SNTG1: variants seen among roughly 807,000 people sequenced by gnomAD.
SNTG1 encodes gamma-1-syntrophin.
A neutral mutation model predicts 74.7 loss-of-function variants in SNTG1; 39 were observed. The observed-to-expected ratio is 0.52, with a 90% CI of 0.40 to 0.68. The LOEUF (loss-of-function observed/expected upper bound fraction) is 0.68. SNTG1 is among the 30% of genes least tolerant of loss of function. The pLI is 0.00. For synonymous variants in SNTG1, 254 were observed against 217.1 expected (o/e 1.17, Z -1.49); for missense variants, 685 against 609.5 (o/e 1.12, Z -1.30).
chr8:50,065,192 G>T (rs1218115317), intron 1 of SNTG1, among the ~76,000 whole-genome samples: 1 of 152,122 alleles, frequency 6.6e-6, no homozygotes, highest in Non-Finnish European at 1.5e-5. Context: ...ATTTTCAAAT[G>T]AATGAATTGG....
At chr8:49,918,880 G>T (rs1806279242) in intron 1 of SNTG1, among the ~76,000 whole-genome samples, 1 of 152,006 alleles carries the variant, frequency 6.6e-6, no homozygotes, top group Non-Finnish European at 1.5e-5. Context: ...GCTTAAAGTG[G>T]CTTAATCCAA....
At chr8:49,969,466 G>A (rs931818767) in intron 1 of SNTG1, among the ~76,000 whole-genome samples, 4 of 132,976 alleles carry the variant, frequency 3.0e-5, no homozygotes, top group Admixed American at 8.9e-5. Context: ...GTGCAATCTC[G>A]GCTCACTGCA....
chr8:49,966,568 T>C (rs1257996363), intron 1 of SNTG1, among the ~76,000 whole-genome samples: 1 of 151,988 alleles, frequency 6.6e-6, no homozygotes, highest in Non-Finnish European at 1.5e-5. Flanking sequence ...CTAATTTTTG[T>C]ATTTTTAGTA....
At position 50,463,951 on chromosome 8, in the gene SNTG1, C is replaced by A. The variant is rs142509829; in HGVS notation, c.363+13222C>A. 1.8e-3 allele frequency among the ~76,000 whole-genome samples: 271 copies of A among 152,336 alleles called. 1 individual carries two copies. Among genetic ancestry groups the A allele is most frequent in the African/African-American group, 6.3e-3 (260 of 41,580 alleles). ...ATTTCTTAATAACTTCCTGCAACTT[C>A]TCTATCAGCACTTACTGCTTCACCT... On this transcript the variant is annotated intron_variant, in intron 8 of 18. Coordinates refer to ENST00000642720, the MANE Select transcript of SNTG1 (RefSeq NM_018967.5).
intron 1 of SNTG1, among the ~76,000 whole-genome samples, chr8:50,147,101 A>G (rs916687759): frequency 6.6e-6 from 1 of 152,176 alleles, no homozygotes; most frequent in Non-Finnish European, 1.5e-5. Flanking sequence ...TTTGAATGTG[A>G]CAAGGATACA....
intron 2 of SNTG1, among the ~76,000 whole-genome samples, chr8:50,323,584 TTC>T (rs777699939): frequency 1.3e-5 from 2 of 152,078 alleles, no homozygotes; most frequent in Non-Finnish European, 2.9e-5. Context: ...TCCAGAAAAA[TTC>T]TCTCAATTAC....
rs1403117706 is a variant in SNTG1, at chr8:50,259,510, AAGAAAGAAAG to A, written c.-28+86877_-28+86886del. ...AGAGACGCTGTCTCAAAAAAAAAAA[AAGAAAGAAAG>A]AAAGAAAGAAAGAAAGAAAGAAAGA... is the stretch of plus-strand genomic sequence containing the variant. On this transcript the variant is annotated intron_variant, in intron 2 of 18. Transcript: ENST00000642720. Among the ~76,000 whole-genome samples the A allele has an allele frequency of 6.1e-3, 58 of 9,564 alleles. 10 individuals are homozygous for A. Among genetic ancestry groups the A allele is most frequent in the African/African-American group, 7.0e-3 (57 of 8,100 alleles). The allele number at this position is 9,564 out of a possible 152,430, so 6.3% of individuals were successfully genotyped here.
At chr8:50,306,131 A>C (rs933604584) in intron 2 of SNTG1, among the ~76,000 whole-genome samples, 22 of 150,296 alleles carry the variant, frequency 1.5e-4, no homozygotes, top group African/African-American at 5.2e-4. Context: ...CTCACTTATA[A>C]GTAAGAATAT....
chr8:50,203,584 G>T (rs1372242277), intron 2 of SNTG1, among the ~76,000 whole-genome samples: 1 of 151,988 alleles, frequency 6.6e-6, no homozygotes. Context: ...CTTAGTGGTT[G>T]TTCTTTGTGT....
chr8:50,039,183 T>C (rs1205610623), intron 1 of SNTG1, among the ~76,000 whole-genome samples: 1 of 151,896 alleles, frequency 6.6e-6, no homozygotes, highest in East Asian at 1.9e-4. Context: ...AGGCTGGGCG[T>C]GGTGGCTCAT....
chr8:50,649,136 T>G (rs2095128557), intron 13 of SNTG1, among the ~76,000 whole-genome samples: 1 of 152,164 alleles, frequency 6.6e-6, no homozygotes, highest in Non-Finnish European at 1.5e-5. Flanking sequence ...GCACAGTTTA[T>G]TGATATTTTC....
chr8:49,932,688 G>C (rs1235718177), intron 1 of SNTG1, among the ~76,000 whole-genome samples: 1 of 151,896 alleles, frequency 6.6e-6, no homozygotes, highest in African/African-American at 2.4e-5. Flanking sequence ...CTATTTACAA[G>C]GTTGTGCAAC....
chr8:50,679,469 T>C (rs1275034813), intron 15 of SNTG1, among the ~76,000 whole-genome samples: 2 of 152,174 alleles, frequency 1.3e-5, no homozygotes, highest in African/African-American at 4.8e-5. Context: ...GTTACTATTA[T>C]CAATAAGTCT....
intron 15 of SNTG1, among the ~76,000 whole-genome samples, chr8:50,686,585 T>C (rs1046495973): frequency 4.2e-4 from 64 of 152,222 alleles, no homozygotes; most frequent in African/African-American, 1.5e-3. Flanking sequence ...ATTTATTTGG[T>C]TTTAAAAATA....
intron 17 of SNTG1, among the ~76,000 whole-genome samples, chr8:50,738,274 CAG>C (rs374731623): frequency 5.8e-4 from 88 of 152,158 alleles, no homozygotes; most frequent in African/African-American, 2.0e-3. Flanking sequence ...AACAGACAAA[CAG>C]AGAGCCAAAT....
intron 2 of SNTG1, among the ~76,000 whole-genome samples, chr8:50,327,227 T>C (rs2130853360): frequency 6.6e-6 from 1 of 152,316 alleles, no homozygotes; most frequent in Middle Eastern, 3.4e-3. Context: ...ACTGCCTTTA[T>C]GTTTCCTGGG....
At chr8:50,352,173 G>A (rs577849188) in intron 2 of SNTG1, among the ~76,000 whole-genome samples, 85 of 152,232 alleles carry the variant, frequency 5.6e-4, no homozygotes, top group African/African-American at 1.8e-3. Context: ...TACCCAGAAA[G>A]GTAGACCTAC....
intron 15 of SNTG1, among the ~76,000 whole-genome samples, chr8:50,668,389 C>T (rs1384591981): frequency 6.6e-6 from 1 of 151,398 alleles, no homozygotes; most frequent in East Asian, 1.9e-4. Flanking sequence ...TCAAAGACAT[C>T]ATTGTTTCAT....
Position 50,259,508 on chromosome 8 carries a change from A to AAAAAAG in SNTG1, c.-28+86876_-28+86877insAAGAAA, listed in dbSNP as rs1554621879. ...AGAGAGACGCTGTCTCAAAAAAAAAAAAAGAAAGAAAGAAAGAAAGAAAGA... is the reference window on the plus strand; with the variant it reads ...AGAGAGACGCTGTCTCAAAAAAAAAAAAAAAGAAAGAAAGAAAGAAAGAAAGAAAGA... On this transcript the variant is annotated intron_variant, in intron 2 of 18. Transcript: ENST00000642720. Among the ~76,000 whole-genome samples the AAAAAAG allele has an allele frequency of 3.6e-3, 56 of 15,754 alleles. 1 individual carries two copies. Among genetic ancestry groups the AAAAAAG allele is most frequent in the Admixed American group, 4.6e-3 (3 of 652 alleles). 10.3% of individuals were successfully genotyped at this position (15,754 alleles called of 152,430 possible). A position where few individuals can be genotyped will look rare whatever the true frequency, so the allele number is the denominator to read the frequency against.
Sources: gnomAD v4.1 joint callset for allele counts (sites outside exome capture counted in the v4.1 genomes callset) on GRCh38, gnomAD v4.1.1 for gene constraint, MANE v1.5 for transcripts, NCBI Gene and HGNC (gene_info 2026-07-23, HGNC 2026-07-21) for gene names.